Variants in AP3B1 observed in about 807,000 individuals in gnomAD.
AP3B1 encodes adaptor related protein complex 3 subunit beta 1, also known as AP-3 complex subunit beta-1.
AP3B1 carries 61 observed loss-of-function variants against 132.5 expected under a neutral mutation model. The ratio of observed to expected loss-of-function variants is 0.46; its 90% CI spans 0.37 to 0.57. The LOEUF (loss-of-function observed/expected upper bound fraction) is 0.57, where lower values mean the gene tolerates loss of function less well. AP3B1 is among the 20% of genes least tolerant of loss of function. The pLI, the probability that AP3B1 is intolerant of heterozygous loss-of-function variation, is 0.00. For synonymous variants in AP3B1, 388 were observed against 438.3 expected (o/e 0.89, Z 1.43); for missense variants, 1,120 against 1,289.4 (o/e 0.87, Z 2.01).
intron 7 of AP3B1, among the ~76,000 whole-genome samples, chr5:78,207,577 A>G (rs1285670526): frequency 6.6e-6 from 1 of 152,170 alleles, no homozygotes; most frequent in East Asian, 1.9e-4. Context: ...GAATTTTTAA[A>G]ATTACAAAAA....
intron 21 of AP3B1, among the ~76,000 whole-genome samples, chr5:78,099,391 A>G (rs1751035987): frequency 6.6e-6 from 1 of 152,200 alleles, no homozygotes; most frequent in Non-Finnish European, 1.5e-5. Flanking sequence ...TGAGCCTGGT[A>G]TGTGTGACAA....
intron 17 of AP3B1, among the ~76,000 whole-genome samples, chr5:78,120,470 T>C (rs972222125): frequency 2.0e-5 from 3 of 151,972 alleles, no homozygotes; most frequent in South Asian, 2.1e-4. Context: ...GAGTCACACA[T>C]AAACTCAAAA....
chr5:78,081,332 G>A (rs1749993540), intron 22 of AP3B1, among the ~76,000 whole-genome samples: 1 of 142,198 alleles, frequency 7.0e-6, no homozygotes, highest in South Asian at 2.3e-4. Context: ...TTTTGAGACG[G>A]AGTCTTGCTC....
chr5:78,285,419 T>C (rs910553229), intron 1 of AP3B1, among the ~76,000 whole-genome samples: 2 of 152,126 alleles, frequency 1.3e-5, no homozygotes, highest in African/African-American at 4.8e-5. Flanking sequence ...TTGACCTATT[T>C]GTATTATTTG....
chr5:78,292,815 C>A (rs1179971604), intron 1 of AP3B1, among the ~76,000 whole-genome samples: 1 of 146,660 alleles, frequency 6.8e-6, no homozygotes, highest in Admixed American at 6.8e-5. Context: ...GTCACAGAGT[C>A]AAAGCCGTAA....
intron 7 of AP3B1, among the ~76,000 whole-genome samples, chr5:78,198,821 G>C (rs578130834): frequency 9.2e-5 from 14 of 152,222 alleles, no homozygotes; most frequent in African/African-American, 3.4e-4. Flanking sequence ...TACTAAGCAG[G>C]AAGAGAATAC....
intron 2 of AP3B1, among the ~76,000 whole-genome samples, chr5:78,264,336 A>T (rs1748229920): frequency 6.6e-6 from 1 of 152,238 alleles, no homozygotes; most frequent in Non-Finnish European, 1.5e-5. Context: ...GAAAACTGCT[A>T]GTTAATTCAC....
chr5:78,199,752 C>A (rs1321145298), intron 7 of AP3B1, among the ~76,000 whole-genome samples: 1 of 151,752 alleles, frequency 6.6e-6, no homozygotes, highest in East Asian at 1.9e-4. Context: ...ATGAAGAACT[C>A]TTAATACATA....
At chr5:78,111,750 T>C (rs1356691377) in intron 19 of AP3B1, among the ~76,000 whole-genome samples, 1 of 152,222 alleles carries the variant, frequency 6.6e-6, no homozygotes, top group Non-Finnish European at 1.5e-5. Context: ...CATGTGTGTG[T>C]ATTTTTTTAA....
intron 7 of AP3B1, among the ~76,000 whole-genome samples, chr5:78,193,764 A>ATTTT (rs1419109983): frequency 1.2e-4 from 13 of 104,996 alleles, no homozygotes; most frequent in African/African-American, 4.5e-4. Flanking sequence ...ATATATATAT[A>ATTTT]TATATATTTT....
chr5:78,131,142 A>C (rs1752669678), intron 15 of AP3B1, among the ~76,000 whole-genome samples: 1 of 151,936 alleles, frequency 6.6e-6, no homozygotes, highest in South Asian at 2.1e-4. Flanking sequence ...TAAAACCATA[A>C]GCAGAATAGT....
chr5:78,096,140 G>A (rs1750768386), intron 21 of AP3B1, among the ~76,000 whole-genome samples: 1 of 152,182 alleles, frequency 6.6e-6, no homozygotes, highest in African/African-American at 2.4e-5. Context: ...CCTGCCGAGT[G>A]CCTGCGATGG....
At chr5:78,034,198 C>G (rs572916988) in intron 24 of AP3B1, among the ~76,000 whole-genome samples, 163 bp downstream of exon 24, 1 of 152,058 alleles carries the variant, frequency 6.6e-6, no homozygotes, top group South Asian at 2.1e-4. Context: ...ATACTACACA[C>G]AATTTGTACA....
intron 11 of AP3B1, 127 bp from the exon 12 acceptor site, chr5:78,165,799 T>G: frequency 1.3e-6 from 1 of 761,906 alleles, no homozygotes. Flanking sequence ...CCGGGCACAG[T>G]GGCTCATGCC....
chr5:78,208,180 T>C (rs1260278925), intron 7 of AP3B1, among the ~76,000 whole-genome samples: 1 of 152,054 alleles, frequency 6.6e-6, no homozygotes, highest in Non-Finnish European at 1.5e-5. Context: ...AAAAACAGAT[T>C]GGAACTGTGC....
At chr5:78,062,161 G>C (rs1209574393) in intron 22 of AP3B1, among the ~76,000 whole-genome samples, 2 of 152,088 alleles carry the variant, frequency 1.3e-5, no homozygotes, top group African/African-American at 4.8e-5. Flanking sequence ...GTCTCTGATT[G>C]CTATCAACTT....
chr5:78,044,449 G>C (rs1748236486), intron 22 of AP3B1, among the ~76,000 whole-genome samples: 1 of 152,018 alleles, frequency 6.6e-6, no homozygotes, highest in Admixed American at 6.5e-5. Flanking sequence ...AAACATATTT[G>C]TTATCAAATC....
At chr5:78,176,452 G>C (rs929239378) in intron 9 of AP3B1, among the ~76,000 whole-genome samples, 2 of 152,128 alleles carry the variant, frequency 1.3e-5, no homozygotes, top group African/African-American at 4.8e-5. Context: ...TACTAAGCCA[G>C]TCAAGAGCTA....
At chr5:78,180,482 A>G (rs546507726) in intron 8 of AP3B1, among the ~76,000 whole-genome samples, 7 of 152,092 alleles carry the variant, frequency 4.6e-5, no homozygotes, top group Admixed American at 6.6e-5. Flanking sequence ...ATAACAAAAT[A>G]AAAAGAAGCA....
Sources: allele counts gnomAD v4.1 joint callset (sites outside exome capture counted in the v4.1 genomes callset), GRCh38; gene constraint gnomAD v4.1.1; transcripts MANE v1.5; gene names NCBI Gene and HGNC (gene_info 2026-07-23, HGNC 2026-07-21).